Variants in CCDC102B observed in about 807,000 individuals in gnomAD.
CCDC102B encodes the protein coiled-coil domain-containing protein 102B.
Under a neutral mutation model 57.4 loss-of-function variants are expected in CCDC102B, and 75 were observed. The ratio of observed to expected loss-of-function variants is 1.31; its 90% CI spans 1.08 to 1.58. The LOEUF (loss-of-function observed/expected upper bound fraction) is 1.58, where lower values mean the gene tolerates loss of function less well. CCDC102B is among the 40% of genes most tolerant of loss of function. CCDC102B has a pLI of 0.00. For synonymous variants in CCDC102B, 206 were observed against 201.9 expected (o/e 1.02, Z -0.17); for missense variants, 636 against 582.6 (o/e 1.09, Z -0.94).
At chr18:68,984,809 C>A (rs1055947838) in intron 6 of CCDC102B, among the ~76,000 whole-genome samples, 1 of 152,048 alleles carries the variant, frequency 6.6e-6, no homozygotes, top group East Asian at 1.9e-4. Flanking sequence ...TAAAATGTAT[C>A]ATATTTCCAG....
At chr18:68,773,353 C>T (rs2034704220) in intron 2 of CCDC102B, among the ~76,000 whole-genome samples, 1 of 151,936 alleles carries the variant, frequency 6.6e-6, no homozygotes, top group African/African-American at 2.4e-5. Flanking sequence ...CTGAAATATC[C>T]AAGAAGTTAG....
intron 1 of CCDC102B, among the ~76,000 whole-genome samples, chr18:68,813,577 T>C (rs2144718666): frequency 6.6e-6 from 1 of 151,454 alleles, no homozygotes; most frequent in South Asian, 2.1e-4. Context: ...AAATGTAGGT[T>C]AGTTAGGGGA....
intron 3 of CCDC102B, among the ~76,000 whole-genome samples, chr18:68,841,459 A>G (rs993066321): frequency 6.6e-6 from 1 of 152,216 alleles, no homozygotes; most frequent in Non-Finnish European, 1.5e-5. Flanking sequence ...GTTGACTTTC[A>G]TAAAGACTTC....
At chr18:68,837,920 G>A (rs1165427978) in intron 2 of CCDC102B, among the ~76,000 whole-genome samples, 1 of 152,162 alleles carries the variant, frequency 6.6e-6, no homozygotes, top group Non-Finnish European at 1.5e-5. Flanking sequence ...TCATTCTTGA[G>A]AGAATTAAGG....
chr18:68,937,341 G>A (rs1027104528), intron 6 of CCDC102B, among the ~76,000 whole-genome samples: 6 of 152,046 alleles, frequency 3.9e-5, no homozygotes, highest in African/African-American at 9.7e-5. Context: ...TTCACAGAAC[G>A]AGAGCTGAAA....
chr18:68,766,498 T>C (rs1012693033), intron 2 of CCDC102B, among the ~76,000 whole-genome samples: 6 of 152,200 alleles, frequency 3.9e-5, no homozygotes, highest in Admixed American at 1.3e-4. Context: ...TGGCAATGGA[T>C]GGACAGTGCT....
chr18:68,727,972 C>G (rs2032677342), intron 2 of CCDC102B, among the ~76,000 whole-genome samples: 1 of 152,190 alleles, frequency 6.6e-6, no homozygotes, highest in Non-Finnish European at 1.5e-5. Context: ...ATTGCTCTTT[C>G]TATAATTCTG....
At chr18:68,723,591 C>T (rs1048360695) in intron 2 of CCDC102B, among the ~76,000 whole-genome samples, 1 of 152,206 alleles carries the variant, frequency 6.6e-6, no homozygotes, top group Non-Finnish European at 1.5e-5. Flanking sequence ...AGTCCGAAAT[C>T]CAACAGGGCA....
At chr18:68,783,811 A>G (rs1474499970) in intron 2 of CCDC102B, among the ~76,000 whole-genome samples, 2 of 152,236 alleles carry the variant, frequency 1.3e-5, no homozygotes, top group East Asian at 3.9e-4. Flanking sequence ...CTTTTATGTT[A>G]TGGGAAATAG....
intron 4 of CCDC102B, among the ~76,000 whole-genome samples, chr18:68,847,289 T>C (rs1164420411): frequency 6.6e-6 from 1 of 151,736 alleles, no homozygotes; most frequent in African/African-American, 2.4e-5. Context: ...CATTGATGTA[T>C]AGTGGAAAAA....
At chr18:68,998,304 C>T (rs2051086855) in intron 6 of CCDC102B, among the ~76,000 whole-genome samples, 1 of 121,710 alleles carries the variant, frequency 8.2e-6, no homozygotes, top group African/African-American at 2.8e-5. Flanking sequence ...CATATATACA[C>T]ACATATATAC....
chr18:68,831,318 A>T (rs1251221836), intron 1 of CCDC102B, among the ~76,000 whole-genome samples: 3 of 152,088 alleles, frequency 2.0e-5, no homozygotes, highest in Non-Finnish European at 4.4e-5. Context: ...GTTAATAGCA[A>T]TAGCTTGAAG....
At chr18:68,883,191 C>T (rs1431370293) in intron 5 of CCDC102B, among the ~76,000 whole-genome samples, 2 of 151,920 alleles carry the variant, frequency 1.3e-5, no homozygotes, top group South Asian at 2.1e-4. Flanking sequence ...GAGGCTGAGG[C>T]GGATGGATCA....
At chr18:68,914,610 T>C (rs944693078) in intron 6 of CCDC102B, among the ~76,000 whole-genome samples, 1 of 152,172 alleles carries the variant, frequency 6.6e-6, no homozygotes, top group African/African-American at 2.4e-5. Context: ...CCCTTGACCA[T>C]CTTCAGTTTG....
Position 68,934,726 on chromosome 18 carries a change from C to CT in CCDC102B, c.1263+37306dup, listed in dbSNP as rs980255416. Among the ~76,000 whole-genome samples the CT allele has an allele frequency of 1.1e-4, 16 of 151,684 alleles. No individual in the cohort carries two copies. In the South Asian group the frequency reaches 1.3e-3, roughly 12 times the overall value. On this transcript the variant is annotated intron_variant, in intron 6 of 7. Coordinates refer to ENST00000360242, the MANE Select transcript of CCDC102B (RefSeq NM_024781.3). ...AATTTTAACAGTGCCTTTTCTTTGA[C>CT]TTTTTTTTCAGCAAATACTATATTC...
At chr18:68,825,820 G>A (rs1259171787) in intron 1 of CCDC102B, among the ~76,000 whole-genome samples, 1 of 152,122 alleles carries the variant, frequency 6.6e-6, no homozygotes, top group East Asian at 1.9e-4. Flanking sequence ...CAGTAATTCT[G>A]CTTGTAGCAG....
intron 2 of CCDC102B, among the ~76,000 whole-genome samples, chr18:68,743,244 TAAATAAATAAAA>T (rs1384109008): frequency 5.5e-5 from 8 of 144,370 alleles, no homozygotes; most frequent in Middle Eastern, 6.9e-3. Flanking sequence ...AATAAATAAA[TAAATAAATAAAA>T]AATTAGACAG....
chr18:68,748,183 G>A (rs966927946), intron 2 of CCDC102B, among the ~76,000 whole-genome samples: 9 of 142,506 alleles, frequency 6.3e-5, no homozygotes, highest in Non-Finnish European at 1.2e-4. Context: ...ATCTATTTAG[G>A]TACTTTGTCC....
chr18:68,915,139 C>A (rs3862695), intron 6 of CCDC102B, among the ~76,000 whole-genome samples: 140,233 of 152,300 alleles, frequency 0.92, 64,622 homozygotes, highest in East Asian at 0.99. Context: ...ATCACAAATA[C>A]AGTATATTTT....
Sources: allele counts gnomAD v4.1 joint callset (sites outside exome capture counted in the v4.1 genomes callset), GRCh38; gene constraint gnomAD v4.1.1; transcripts MANE v1.5; gene names NCBI Gene and HGNC (gene_info 2026-07-23, HGNC 2026-07-21).